SEC14L5: variants seen among roughly 807,000 people sequenced by gnomAD.
SEC14L5 encodes SEC14 like lipid binding 5, also known as SEC14-like protein 5.
Under a neutral mutation model 84.6 loss-of-function variants are expected in SEC14L5, and 96 were observed. The ratio of observed to expected loss-of-function variants is 1.13; its 90% CI spans 0.96 to 1.34. SEC14L5 has a LOEUF of 1.34. SEC14L5 is among the 40% of genes most tolerant of loss of function. SEC14L5 has a pLI of 0.00. For missense variants in SEC14L5, 1,224 were observed against 942.5 expected, an observed-to-expected ratio of 1.30 and a Z score of -3.91; for synonymous variants, 546 against 383.4, an observed-to-expected ratio of 1.42 and a Z score of -4.95.
chr16:4,982,241 C>A lies in SEC14L5; in HGVS notation c.64-5316C>A, dbSNP rs367770119. On this transcript the variant is annotated intron_variant, in intron 2 of 15. Transcript: ENST00000251170. ...CTCCCCCCGCCTCTCTTCCTGGGAG[C>A]CAGGAGGGAAGGGGGAGGAGGTGTC... Among the ~76,000 whole-genome samples, 210 of 152,256 alleles carry A rather than the reference C, an allele frequency of 1.4e-3. 1 individual carries two copies. The highest frequency in any genetic ancestry group is 4.9e-3 in the African/African-American group (204 of 41,548).
chr16:5,008,586 C>T lies in SEC14L5; in HGVS notation c.1738C>T (p.Leu580=), dbSNP rs1423668346. ...GCAGCTGATCGACAAAGGCTGGGTC[C>T]TGGGCAGGGATTACAGCCGTGTGGA... is the stretch of plus-strand genomic sequence containing the variant. The part of the protein sequence containing the change: ...SGQLIDKGWV[L]GRDYSRVEAP... The change falls in exon 14 of 16, where the codon CTG becomes TTG. Residue 580 remains leucine, a synonymous_variant. Coordinates refer to ENST00000251170, the MANE Select transcript of SEC14L5 (RefSeq NM_014692.2). The T allele has an allele frequency of 6.2e-7, 1 of 1,607,252 alleles. No individual in the cohort carries two copies.
At chr16:4,991,601 C>G (rs566525088) in intron 5 of SEC14L5, among the ~76,000 whole-genome samples, 1 of 152,070 alleles carries the variant, frequency 6.6e-6, no homozygotes, top group Admixed American at 6.6e-5. Context: ...AACCCCCAAC[C>G]CAAAAAACTG....
In SEC14L5 at chr16:4,987,573, TC is replaced by T. The variant is rs1319340492; in HGVS notation, c.84del (p.Thr29ArgfsTer58). 1 of 1,560,030 alleles carries T rather than the reference TC, an allele frequency of 6.4e-7. No homozygotes were observed. Among genetic ancestry groups the T allele is most frequent in the Non-Finnish European group, 8.7e-7 (1 of 1,153,202 alleles). Reference protein sequence around the residue: ...ELVMAAYEKRFPTCPQIPVFL... With the variant: ...ELVMAAYEKRXPTCPQIPVFL... ...TGCCCCCAGGCCTACGAGAAGCGTT[TC>T]CCCACGTGCCCACAGATCCCAGTCT... On this transcript the variant is annotated frameshift_variant, in exon 3 of 16. Coordinates refer to ENST00000251170, the MANE Select transcript of SEC14L5 (RefSeq NM_014692.2). LOFTEE classifies it high-confidence loss of function.
chr16:4,974,208 G>T (rs1955313388), intron 2 of SEC14L5, among the ~76,000 whole-genome samples: 1 of 151,924 alleles, frequency 6.6e-6, no homozygotes. Flanking sequence ...GAAACACACT[G>T]GACTGCATAC....
chr16:4,987,926 C>A (rs1195510037), intron 3 of SEC14L5, among the ~76,000 whole-genome samples: 1 of 148,070 alleles, frequency 6.8e-6, no homozygotes. Context: ...GGGAACTGGG[C>A]GGGGTTCGCG....
rs1261824573 is a variant in SEC14L5, at chr16:4,996,772, A to G, written c.781-83A>G. 1.1e-5 allele frequency: 12 copies of G among 1,069,258 alleles called. No homozygotes were observed. The South Asian group carries it at 1.4e-4, about 13-fold the overall frequency. 66.2% of individuals were successfully genotyped at this position (1,069,258 alleles called of 1,614,324 possible). On this transcript the variant is annotated intron_variant, in intron 7 of 15. Coordinates refer to ENST00000251170, the MANE Select transcript of SEC14L5 (RefSeq NM_014692.2). ...CTTTTTGTAGAGATGGGGTCTCACC[A>G]TGTTGCCCCGGCTGGTTCTGTAATT... is the stretch of plus-strand genomic sequence containing the variant.
intron 6 of SEC14L5, among the ~76,000 whole-genome samples, chr16:4,995,629 T>C (rs1955600750): frequency 6.7e-6 from 1 of 150,302 alleles, no homozygotes; most frequent in Non-Finnish European, 1.5e-5. Context: ...TCTCTCTTTT[T>C]TTTTTTTTTT....
At position 4,961,232 on chromosome 16, in the gene SEC14L5, C is replaced by T. The variant is rs773283533; in HGVS notation, c.63+1846C>T. ...ACGTTGCAGAGAGCCGAGATTGCGC[C>T]GCAACACTCCAGCATGGGTGACAGA... On this transcript the variant is annotated intron_variant, in intron 2 of 15. Coordinates refer to ENST00000251170, the MANE Select transcript of SEC14L5 (RefSeq NM_014692.2). Among the ~76,000 whole-genome samples the T allele has an allele frequency of 3.9e-5, 6 of 152,128 alleles. 1 individual carries two copies. The highest frequency in any genetic ancestry group is 4.1e-4 in the South Asian group (2 of 4,824).
Position 4,988,143 on chromosome 16 carries a change from T to G in SEC14L5, c.214-6T>G. 3.1e-6 allele frequency: 4 copies of G among 1,275,718 alleles called. No individual in the cohort carries two copies. Among genetic ancestry groups the G allele is most frequent in the Non-Finnish European group, 4.3e-6 (4 of 920,408 alleles). 79.0% of individuals were successfully genotyped at this position (1,275,718 alleles called of 1,614,324 possible). On this transcript the variant is annotated splice_region_variant and splice_polypyrimidine_tract_variant and intron_variant, in intron 3 of 15. Coordinates refer to ENST00000251170, the MANE Select transcript of SEC14L5 (RefSeq NM_014692.2). ...CACCTCCGCCTCCCCGCCCCTTCCC[T>G]TGCAGATCGCAGGTGTTGAGCACGT...
intron 8 of SEC14L5, among the ~76,000 whole-genome samples, chr16:4,997,591 A>G (rs1054715050): frequency 2.0e-5 from 3 of 152,136 alleles, no homozygotes; most frequent in African/African-American, 7.2e-5. Context: ...AATAATTGTG[A>G]TCGTAAAGGT....
At chr16:4,985,515 A>G (rs1260920229) in intron 2 of SEC14L5, among the ~76,000 whole-genome samples, 2 of 152,200 alleles carry the variant, frequency 1.3e-5, no homozygotes, top group Non-Finnish European at 2.9e-5. Context: ...AGCGTGAGCC[A>G]CCGCGCCCGG....
chr16:5,007,475 G>A lies in SEC14L5; in HGVS notation c.1561G>A (p.Ala521Thr). ...CCATTCAGCCAGCGTGCTCCGCGGAGCCCCCCACGAGGTGCCAGGGCCTGG... is the reference window on the plus strand; with the variant it reads ...CCATTCAGCCAGCGTGCTCCGCGGAACCCCCCACGAGGTGCCAGGGCCTGG... ...TYHSASVLRG[A>T]PHEVAVEILE... Residue 521 changes from alanine to threonine, a missense_variant, in exon 13 of 16, where the codon GCC becomes ACC. Physicochemically the swap from Ala to Thr is moderately conservative, Grantham distance 58 (BLOSUM62 0). Coordinates refer to ENST00000251170, the MANE Select transcript of SEC14L5 (RefSeq NM_014692.2). 1.2e-6 allele frequency: 2 copies of A among 1,613,444 alleles called. No homozygotes were observed. Among genetic ancestry groups the A allele is most frequent in the Non-Finnish European group, 1.7e-6 (2 of 1,179,800 alleles).
intron 2 of SEC14L5, 83 bp from the exon 3 acceptor site, chr16:4,987,474 C>T (rs919836099): frequency 1.6e-6 from 2 of 1,215,836 alleles, no homozygotes; most frequent in Non-Finnish European, 2.3e-6. Context: ...TGATAAGTGA[C>T]ACAGCAGATA....
intron 6 of SEC14L5, among the ~76,000 whole-genome samples, chr16:4,992,337 G>GC (rs1227578910): frequency 2.6e-5 from 4 of 151,970 alleles, no homozygotes; most frequent in African/African-American, 7.3e-5. Flanking sequence ...TGCAACCTCC[G>GC]CCCCCCGGGT....
intron 2 of SEC14L5, among the ~76,000 whole-genome samples, chr16:4,977,880 C>G (rs921959414): frequency 1.3e-5 from 2 of 151,180 alleles, no homozygotes; most frequent in Admixed American, 6.6e-5. Context: ...GGCTCACTGC[C>G]ACCTCCTCCT....
chr16:4,959,113 G>T, intron 1 of SEC14L5, 160 bp from the exon 2 acceptor site: 1 of 593,158 alleles, frequency 1.7e-6, no homozygotes. Context: ...GAAGCTGTTG[G>T]GGCTTGGCCT....
At chr16:5,003,033 C>T (rs1021457596) in intron 10 of SEC14L5, among the ~76,000 whole-genome samples, 2 of 152,206 alleles carry the variant, frequency 1.3e-5, no homozygotes, top group African/African-American at 4.8e-5. Flanking sequence ...CTTGTGATAA[C>T]CAGCTATAAT....
intron 5 of SEC14L5, among the ~76,000 whole-genome samples, chr16:4,991,566 A>C (rs967850249): frequency 2.0e-5 from 3 of 151,732 alleles, no homozygotes; most frequent in Non-Finnish European, 1.5e-5. Context: ...ACACTGTCTC[A>C]AAAAAAATAA....
chr16:4,967,503 C>G (rs770600622), intron 2 of SEC14L5, among the ~76,000 whole-genome samples: 18 of 151,310 alleles, frequency 1.2e-4, no homozygotes, highest in African/African-American at 4.4e-4. Flanking sequence ...GAATCTGACC[C>G]CACAGCCAGA....
Sources: gnomAD v4.1 joint callset for allele counts (sites outside exome capture counted in the v4.1 genomes callset) on GRCh38, gnomAD v4.1.1 for gene constraint, MANE v1.5 for transcripts, NCBI Gene and HGNC (gene_info 2026-07-23, HGNC 2026-07-21) for gene names.